Variants in ZNF517 observed in about 807,000 individuals in gnomAD.
ZNF517 encodes zinc finger protein 517.
In ZNF517, 12 loss-of-function variants were observed where a neutral mutation model predicts 12.1. The ratio of observed to expected loss-of-function variants is 0.99; its 90% CI spans 0.63 to 1.61. The LOEUF (loss-of-function observed/expected upper bound fraction) is 1.61, where lower values mean the gene tolerates loss of function less well. Ranked by LOEUF, ZNF517 falls within the 40% of genes most tolerant of loss-of-function variation. The probability of loss-of-function intolerance (pLI) is 0.00; values close to 1 mark genes in which losing one functional copy is unlikely to be tolerated. For missense variants in ZNF517, 781 were observed against 693.2 expected (o/e 1.13, Z -1.42); for synonymous variants, 388 against 310.2 (o/e 1.25, Z -2.63).
rs1343758669 is a variant in ZNF517, at chr8:144,808,042, C to G, written c.1126C>G (p.Pro376Ala). 6.2e-7 allele frequency: 1 copy of G among 1,600,240 alleles called. No individual in the cohort carries two copies. Among genetic ancestry groups the G allele is most frequent in the Non-Finnish European group, 8.5e-7 (1 of 1,174,064 alleles). ...CCACGAGTGCCCGGTGTGCGGGAGG[C>G]CGTTCCGACACAACTCCCTGCTGCT... Reference protein sequence around the residue: ...PPHECPVCGRPFRHNSLLLLH... With the variant: ...PPHECPVCGRAFRHNSLLLLH... Residue 376 changes from proline to alanine, a missense_variant, in exon 5 of 5, where the codon CCG becomes GCG. Transcript: ENST00000359971.
chr8:144,801,540 C>T (rs1022732273), intron 1 of ZNF517, among the ~76,000 whole-genome samples: 1 of 151,964 alleles, frequency 6.6e-6, no homozygotes, highest in African/African-American at 2.4e-5. Flanking sequence ...TGCGGTGGCG[C>T]GATCTCAGCT....
At chr8:144,803,964 G>C (rs1827098881) in intron 3 of ZNF517, 161 bp from the exon 4 acceptor site, 5 of 1,067,806 alleles carry the variant, frequency 4.7e-6, no homozygotes, top group Non-Finnish European at 6.6e-6. Flanking sequence ...CCTGGGGCAG[G>C]CCCCCCATCT....
downstream of ZNF517, chr8:144,810,202 G>T: frequency 1.4e-6 from 1 of 697,934 alleles, no homozygotes; most frequent in South Asian, 1.5e-5. Context: ...AGGGTAGCCG[G>T]TGGGGGTGCT....
chr8:144,807,258 G>A lies in ZNF517; in HGVS notation c.342G>A (p.Leu114=). 2 of 1,553,996 alleles carry A rather than the reference G, an allele frequency of 1.3e-6. No homozygotes were observed. The highest frequency in any genetic ancestry group is 1.7e-6 in the Non-Finnish European group (2 of 1,152,534). Residue 114 remains leucine, a synonymous_variant, in exon 5 of 5, where the codon CTG becomes CTA. Transcript: ENST00000359971. The part of the protein sequence containing the change: ...LQRKLSRQAG[L]PGTVWGCLPW... ...GAAAGCTCTCCAGGCAGGCAGGACT[G>A]CCGGGCACCGTGTGGGGGTGCCTCC...
intron 4 of ZNF517, among the ~76,000 whole-genome samples, chr8:144,805,720 ATTC>A (rs1248106401): frequency 2.0e-5 from 3 of 149,862 alleles, no homozygotes; most frequent in African/African-American, 7.4e-5. Flanking sequence ...GGTTCACGCC[ATTC>A]TTCTGCCTCA....
At chr8:144,813,359 G>C (rs909702488), downstream of ZNF517, among the ~76,000 whole-genome samples, 1 of 146,386 alleles carries the variant, frequency 6.8e-6, no homozygotes, top group African/African-American at 2.5e-5. Context: ...TGAGGTTAAA[G>C]AGCTCTACAA....
At chr8:144,805,185 G>A (rs1313149948) in intron 4 of ZNF517, among the ~76,000 whole-genome samples, 3 of 152,246 alleles carry the variant, frequency 2.0e-5, no homozygotes, top group South Asian at 2.1e-4. Context: ...TGGCGTTACC[G>A]CTAGACCAAG....
chr8:144,799,362 C>T (rs1405393818), intron 1 of ZNF517, among the ~76,000 whole-genome samples: 2 of 152,204 alleles, frequency 1.3e-5, no homozygotes, highest in Admixed American at 6.5e-5. Flanking sequence ...GTTTTGCCCC[C>T]TCCCCGGGTT....
chr8:144,806,524 G>A (rs879505877), intron 4 of ZNF517, among the ~76,000 whole-genome samples: 33 of 151,870 alleles, frequency 2.2e-4, no homozygotes, highest in Non-Finnish European at 3.2e-4. Flanking sequence ...TGCTTTTGTC[G>A]CCCAGGCTGG....
At chr8:144,802,291 A>C (rs1265793358) in intron 1 of ZNF517, among the ~76,000 whole-genome samples, 2 of 152,094 alleles carry the variant, frequency 1.3e-5, no homozygotes, top group Non-Finnish European at 2.9e-5. Flanking sequence ...CTGGGAGGAA[A>C]TCTTAAGCCC....
intron 1 of ZNF517, chr8:144,800,775 C>G: frequency 4.8e-6 from 4 of 827,328 alleles, no homozygotes; most frequent in Non-Finnish European, 4.4e-6. Context: ...GTCAAAAGGG[C>G]TCTGCTGCCA....
intron 1 of ZNF517, among the ~76,000 whole-genome samples, chr8:144,799,390 A>G (rs929294178): frequency 2.0e-5 from 3 of 152,168 alleles, no homozygotes; most frequent in Middle Eastern, 3.2e-3. Context: ...TTATTGGACC[A>G]ACAGTCATTT....
chr8:144,805,933 T>A (rs963916536), intron 4 of ZNF517, among the ~76,000 whole-genome samples: 24 of 152,358 alleles, frequency 1.6e-4, no homozygotes, highest in African/African-American at 4.6e-4. Context: ...CAGAGATTAT[T>A]ATAATATTAG....
chr8:144,804,352 C>G, intron 4 of ZNF517, 114 bp downstream of exon 4: 1 of 674,982 alleles, frequency 1.5e-6, no homozygotes, highest in Non-Finnish European at 2.4e-6. Flanking sequence ...TAGCTCCTCA[C>G]AGCAGGGCCA....
downstream of ZNF517, among the ~76,000 whole-genome samples, chr8:144,812,267 T>C (rs1466174633): frequency 2.2e-5 from 3 of 137,624 alleles, no homozygotes; most frequent in South Asian, 4.8e-4. Context: ...GACTGCAGAA[T>C]GGAAGCAAAG....
At position 144,807,422 on chromosome 8, in the gene ZNF517, G is replaced by A. The variant is rs866213866; in HGVS notation, c.506G>A (p.Arg169Gln). 1.3e-5 allele frequency: 20 copies of A among 1,567,760 alleles called. No homozygotes were observed. The Admixed American group carries it at 1.7e-4, about 13-fold the overall frequency. Residue 169 changes from arginine (R) to glutamine (Q), a missense_variant, in exon 5 of 5, where the codon CGG (arginine) becomes CAG (glutamine). Transcript: ENST00000359971. ...AGGGTTCTGCAGGAAGACCTGGGCC[G>A]GCCTGTGGGGAGCTCAGCCCCCCGC... Reference protein sequence around the residue: ...SPRVLQEDLGRPVGSSAPRYR... With the variant: ...SPRVLQEDLGQPVGSSAPRYR...
downstream of ZNF517, chr8:144,810,165 G>A (rs1267541932): frequency 5.7e-6 from 4 of 698,338 alleles, no homozygotes; most frequent in Non-Finnish European, 1.0e-5. Flanking sequence ...CTCAGAAGGT[G>A]GGCCAGGAGA....
At chr8:144,803,958 G>C (rs1827098765) in intron 3 of ZNF517, 167 bp from the exon 4 acceptor site, 6 of 1,091,786 alleles carry the variant, frequency 5.5e-6, no homozygotes, top group African/African-American at 1.6e-5. Context: ...TTCTCTCCTG[G>C]GGCAGGCCCC....
chr8:144,803,964 GC>G, intron 3 of ZNF517, 160 bp from the exon 4 acceptor site: 4 of 1,067,790 alleles, frequency 3.7e-6, no homozygotes, highest in Non-Finnish European at 4.0e-6. Flanking sequence ...CCTGGGGCAG[GC>G]CCCCCATCTC....
Sources: gnomAD v4.1 joint callset for allele counts (sites outside exome capture counted in the v4.1 genomes callset) on GRCh38, gnomAD v4.1.1 for gene constraint, MANE v1.5 for transcripts, NCBI Gene and HGNC (gene_info 2026-07-23, HGNC 2026-07-21) for gene names.